ADPRHL1: variants seen among roughly 807,000 people sequenced by gnomAD.
The protein encoded by ADPRHL1 is ADP-ribosylhydrolase like 1.
ADPRHL1 carries 43 observed loss-of-function variants against 44.1 expected under a neutral mutation model. That is an observed-to-expected ratio of 0.98 (90% CI 0.76 to 1.26). ADPRHL1 has a LOEUF of 1.26. Among genes scored for constraint, ADPRHL1 ranks in the 50% most tolerant of loss-of-function variants. The pLI is 0.00. For missense variants in ADPRHL1, 2,022 were observed against 2,496.9 expected, an observed-to-expected ratio of 0.81 and a Z score of 4.05; for synonymous variants, 878 against 1,017.4, an observed-to-expected ratio of 0.86 and a Z score of 2.61.
Position 113,406,969 on chromosome 13 carries a change from G to T in ADPRHL1, c.2313C>A (p.Gly771=). 1 of 1,232,176 alleles carries T rather than the reference G, an allele frequency of 8.1e-7. No individual in the cohort carries two copies. The highest frequency in any genetic ancestry group is 1.0e-6 in the Non-Finnish European group (1 of 988,090). The allele number at this position is 1,232,176 out of a possible 1,614,324, so 76.3% of individuals were successfully genotyped here. ...ARLTWPPGPP[G]ECAGEGPEIT... Reference sequence around the variant, plus strand: ...TTTCAGGGCCCTCCCCTGCACACTCGCCTGGGGGCCCAGGAGGCCACGTGA... The same window carrying T: ...TTTCAGGGCCCTCCCCTGCACACTCTCCTGGGGGCCCAGGAGGCCACGTGA... Residue 771 remains glycine, a synonymous_variant, in exon 8 of 8, where the codon GGC becomes GGA. Transcript: ENST00000612156.
intron 4 of ADPRHL1, among the ~76,000 whole-genome samples, chr13:113,428,571 G>A (rs113270551): frequency 7.1e-4 from 108 of 152,372 alleles, no homozygotes; most frequent in African/African-American, 2.1e-3. Context: ...CCCTGAGCTC[G>A]CCCAAACCGG....
chr13:113,425,142 C>T lies in ADPRHL1; in HGVS notation c.684G>A (p.Trp228Ter), dbSNP rs528643986. ...TTTTCCTCTCCTCCAAATAAAATTG[C>T]CATTTAGCTTCAAAGTAAAACCAGT... ...QEHWFYFEAK[W>*]QFYLEERKIS... Residue 228 changes from tryptophan to a stop codon, truncating the protein, a stop_gained, in exon 5 of 8, where the codon TGG becomes TGA. Coordinates refer to ENST00000612156, the MANE Select transcript of ADPRHL1 (RefSeq NM_001394807.1). LOFTEE classifies it high-confidence loss of function. 6.2e-7 allele frequency: 1 copy of T among 1,611,366 alleles called. No homozygotes were observed. Among genetic ancestry groups the T allele is most frequent in the African/African-American group, 1.3e-5 (1 of 74,814 alleles).
At chr13:113,418,598 C>T (rs1430328518) in intron 7 of ADPRHL1, among the ~76,000 whole-genome samples, 2 of 152,158 alleles carry the variant, frequency 1.3e-5, no homozygotes, top group African/African-American at 2.4e-5. Context: ...GCTCATATTC[C>T]CACATGGCAC....
chr13:113,409,265 T>A lies in ADPRHL1; in HGVS notation c.1062-1045A>T. The A allele has an allele frequency of 1.0e-6, 1 of 981,868 alleles. No homozygotes were observed. The highest frequency in any genetic ancestry group is 1.2e-6 in the Non-Finnish European group (1 of 826,832). The allele number at this position is 981,868 out of a possible 1,614,324, so 60.8% of individuals were successfully genotyped here. A position where few individuals can be genotyped will look rare whatever the true frequency, so the allele number is the denominator to read the frequency against. On this transcript the variant is annotated intron_variant, in intron 7 of 7. Coordinates refer to ENST00000612156, the MANE Select transcript of ADPRHL1 (RefSeq NM_001394807.1). This position sits in a 1 kb window ranked among gnomAD's most constrained non-coding sequence, Gnocchi z 4.2. ...TGACCACAGGAGCAAAGCTGGAAGG[T>A]CTCCCCATCTGTGGCAGGGGGTGGA... is the stretch of plus-strand genomic sequence containing the variant.
At chr13:113,427,847 G>A (rs968415744) in intron 4 of ADPRHL1, among the ~76,000 whole-genome samples, 1 of 151,540 alleles carries the variant, frequency 6.6e-6, no homozygotes, top group Non-Finnish European at 1.5e-5. Flanking sequence ...CCTGAGCTGC[G>A]TCCAGGCGGG....
chr13:113,424,960 A>C lies in ADPRHL1; in HGVS notation c.774+92T>G, dbSNP rs1167998242. 13 of 1,497,190 alleles carry C rather than the reference A, an allele frequency of 8.7e-6. No individual in the cohort carries two copies. In the Admixed American group the frequency reaches 2.3e-4, roughly 27 times the overall value. The allele number at this position is 1,497,190 out of a possible 1,614,324, so 92.7% of individuals were successfully genotyped here. A position where few individuals can be genotyped will look rare whatever the true frequency, so the allele number is the denominator to read the frequency against. On this transcript the variant is annotated intron_variant, in intron 5 of 7. Transcript: ENST00000612156. ...CATCCATCTATCCATCCATCCATTC[A>C]CCTACCCACCCACCCATCCATCCAC...
rs142262091 is a variant in ADPRHL1, at chr13:113,399,758, A to C, written c.*3620T>G. 1 of 152,068 alleles carries C rather than the reference A, an allele frequency of 6.6e-6. No homozygotes were observed. The highest frequency in any genetic ancestry group is 1.5e-5 in the Non-Finnish European group (1 of 67,968). The allele number at this position is 152,068 out of a possible 1,614,324, so 9.4% of individuals were successfully genotyped here. A position where few individuals can be genotyped will look rare whatever the true frequency, so the allele number is the denominator to read the frequency against. On this transcript the variant is annotated 3_prime_UTR_variant, in exon 8 of 8. Coordinates refer to ENST00000612156, the MANE Select transcript of ADPRHL1 (RefSeq NM_001394807.1). ...TGTTTATATACAAAGAAGAATATGA[A>C]CAAGAACAAATTTAATAAATAGCTG...
chr13:113,429,017 CT>C lies in ADPRHL1; in HGVS notation c.580del (p.Arg194GlufsTer85), dbSNP rs1163044654. 2 of 1,612,778 alleles carry C rather than the reference CT, an allele frequency of 1.2e-6. No homozygotes were observed. Among genetic ancestry groups the C allele is most frequent in the African/African-American group, 2.7e-5 (2 of 74,926 alleles). On this transcript the variant is annotated frameshift_variant, in exon 4 of 8. Coordinates refer to ENST00000612156, the MANE Select transcript of ADPRHL1 (RefSeq NM_001394807.1). LOFTEE classifies it high-confidence loss of function. ...AQGKPLVQWGRDMLRAVPLAE... is the reference protein window; with the variant it reads ...AQGKPLVQWGXDMLRAVPLAE... ...CAGAGGCACCGCCCGCAGCATGTCT[CT>C]CCCCCACTGGACCAGGGGCTTTCCT...
At chr13:113,438,751 T>C (rs1484761126) in intron 2 of ADPRHL1, among the ~76,000 whole-genome samples, 1 of 152,158 alleles carries the variant, frequency 6.6e-6, no homozygotes, top group Non-Finnish European at 1.5e-5. Context: ...CTGGAACTCC[T>C]GGGTCCAAGT....
intron 1 of ADPRHL1, among the ~76,000 whole-genome samples, chr13:113,446,631 C>G (rs1242096249): frequency 1.3e-5 from 2 of 152,142 alleles, no homozygotes; most frequent in Non-Finnish European, 2.9e-5. Context: ...TGCCAACACA[C>G]CTGGTGTCTA....
rs1343646203 is a variant in ADPRHL1 at position 113,428,969 on chromosome 13, G to A, written c.629C>T (p.Thr210Ile). The change falls in exon 4 of 8, where the codon ACC becomes ATC. Residue 210 changes from threonine (T) to isoleucine (I), a missense_variant. By Grantham distance (89) the Thr-to-Ile change is moderately conservative (BLOSUM62 -1). Around this residue, in one of 8 missense-constraint regions of ADPRHL1, gnomAD observed 437 missense variants for 430.7 expected, o/e 1.01. Transcript: ENST00000612156. ...VPLAEEYCRK[T>I]IRHTAEYQEH... The stretch of plus-strand genomic sequence containing the variant: ...CGGCTCACCTGCCGTGTGCCGGATG[G>A]TCTTCCTGCAGTACTCTTCTGCCAG... 1.2e-6 allele frequency: 2 copies of A among 1,612,586 alleles called. No individual in the cohort carries two copies. The highest frequency in any genetic ancestry group is 1.3e-5 in the African/African-American group (1 of 74,952).
chr13:113,413,856 G>A (rs1376266326), intron 7 of ADPRHL1, among the ~76,000 whole-genome samples: 10 of 152,254 alleles, frequency 6.6e-5, no homozygotes, highest in Admixed American at 4.6e-4. Flanking sequence ...AATATAAACA[G>A]CAGGGTGCCC....
At chr13:113,427,458 A>C (rs1352328616) in intron 4 of ADPRHL1, among the ~76,000 whole-genome samples, 2 of 151,804 alleles carry the variant, frequency 1.3e-5, no homozygotes, top group Non-Finnish European at 2.9e-5. Context: ...CGAACTCCTG[A>C]CCTCAGGTGA....
In ADPRHL1 at chr13:113,436,964, T is replaced by C. The variant is rs1184259911; in HGVS notation, c.380-3097A>G. 2.9e-5 allele frequency among the ~76,000 whole-genome samples: 4 copies of C among 139,934 alleles called. 1 individual carries two copies. Among genetic ancestry groups the C allele is most frequent in the Admixed American group, 1.4e-4 (2 of 14,004 alleles). The allele number at this position is 139,934 out of a possible 152,430, so 91.8% of individuals were successfully genotyped here. ...CGGGACCCAGCACCCAGGTGTAGAG[T>C]GAACATAGGTATACCCCGGGACCCA... On this transcript the variant is annotated intron_variant, in intron 2 of 7. Coordinates refer to ENST00000612156, the MANE Select transcript of ADPRHL1 (RefSeq NM_001394807.1).
rs766848804 is a variant in ADPRHL1 at position 113,453,206 on chromosome 13, G to A, written c.214+18C>T. 16 of 1,612,932 alleles carry A rather than the reference G, an allele frequency of 9.9e-6. No individual in the cohort carries two copies. The highest frequency in any genetic ancestry group is 3.3e-4 in the Middle Eastern group (2 of 5,984). ...TTCCCTCCAGCCCGCACACCGGAGC[G>A]CGGTGGGCCCAGCCTACCTGTGGTG... is the stretch of plus-strand genomic sequence containing the variant. On this transcript the variant is annotated intron_variant, in intron 1 of 7. Transcript: ENST00000612156. This position sits in a 1 kb window ranked among gnomAD's most constrained non-coding sequence, Gnocchi z 5.4.
In ADPRHL1 at chr13:113,406,476, C is replaced by T. The variant is rs746995452; in HGVS notation, c.2806G>A (p.Asp936Asn). ...AGAAGTGTCTCTGGGACACTGTGGTCGGCGCCCACAGCCCCTCTTGCTGCT... is the reference window on the plus strand; with the variant it reads ...AGAAGTGTCTCTGGGACACTGTGGTTGGCGCCCACAGCCCCTCTTGCTGCT... ...LAAARGAVGA[D>N]HSVPETLLTQ... is the part of the protein sequence containing the mutation. The change falls in exon 8 of 8, where the codon GAC (aspartate) becomes AAC (asparagine). Residue 936 changes from aspartate (D) to asparagine (N), a missense_variant. This residue lies in a region of ADPRHL1 where 1,221 missense variants were observed against 1,517.8 expected (regional missense o/e 0.80). Transcript: ENST00000612156. 9.7e-6 allele frequency: 12 copies of T among 1,231,822 alleles called. No homozygotes were observed. The highest frequency in any genetic ancestry group is 4.7e-5 in the African/African-American group (3 of 64,388). The allele number at this position is 1,231,822 out of a possible 1,614,324, so 76.3% of individuals were successfully genotyped here.
intron 7 of ADPRHL1, among the ~76,000 whole-genome samples, chr13:113,414,040 A>G (rs1235214874): frequency 6.6e-6 from 1 of 152,160 alleles, no homozygotes; most frequent in Non-Finnish European, 1.5e-5. Context: ...CAGGGCCTGG[A>G]GGTCACTGTT....
intron 3 of ADPRHL1, among the ~76,000 whole-genome samples, chr13:113,433,124 C>T (rs1236350256): frequency 6.6e-6 from 1 of 152,208 alleles, no homozygotes. Flanking sequence ...CCTCACACAG[C>T]CCGATTTGGG....
chr13:113,421,415 T>C (rs1595542833), intron 7 of ADPRHL1, among the ~76,000 whole-genome samples: 7 of 49,724 alleles, frequency 1.4e-4, no homozygotes, highest in East Asian at 5.7e-4. Flanking sequence ...CCAGAACACG[T>C]CTACCCCTGG....
Sources: gnomAD v4.1 joint callset for allele counts (sites outside exome capture counted in the v4.1 genomes callset) on GRCh38, gnomAD v4.1.1 for gene constraint, gnomAD v4.1.1 regional missense constraint, Gnocchi (gnomAD v3.1) non-coding constraint, MANE v1.5 for transcripts, NCBI Gene and HGNC (gene_info 2026-07-23, HGNC 2026-07-21) for gene names.